The following MAST4 variants were observed in gnomAD, a reference collection of about 807,000 sequenced individuals.
The protein encoded by MAST4 is microtubule associated serine/threonine kinase family member 4.
MAST4 carries 89 observed loss-of-function variants against 162.7 expected under a neutral mutation model. The ratio of observed to expected loss-of-function variants is 0.55; its 90% CI spans 0.46 to 0.65. The LOEUF is 0.65. MAST4 is among the 30% of genes least tolerant of loss of function. MAST4 has a pLI of 0.00. For missense variants in MAST4, 3,153 were observed against 3,374.0 expected (o/e 0.93, Z 1.62); for synonymous variants, 1,479 against 1,361.1 (o/e 1.09, Z -1.91).
chr5:66,746,532 T>G (rs2149583405), intron 1 of MAST4, among the ~76,000 whole-genome samples: 1 of 152,292 alleles, frequency 6.6e-6, no homozygotes, highest in East Asian at 1.9e-4. Context: ...GTCTACTTTC[T>G]CTCCCAAAGC....
intron 5 of MAST4, among the ~76,000 whole-genome samples, chr5:67,070,216 C>G (rs773262604): frequency 2.0e-5 from 3 of 152,160 alleles, no homozygotes; most frequent in African/African-American, 7.2e-5. Flanking sequence ...GCAAATTTTT[C>G]TCCCTTCTCT....
At chr5:67,131,792 A>T in intron 15 of MAST4, 21 bp from the exon 16 acceptor site, 3 of 1,609,724 alleles carry the variant, frequency 1.9e-6, no homozygotes, top group Non-Finnish European at 2.5e-6. Flanking sequence ...ATAGCTACTA[A>T]CTCTTTTTCC....
At chr5:66,672,216 T>C (rs1466188056) in intron 1 of MAST4, among the ~76,000 whole-genome samples, 1 of 152,234 alleles carries the variant, frequency 6.6e-6, no homozygotes, top group Non-Finnish European at 1.5e-5. Context: ...AGATCATGTG[T>C]GCATATATGC....
chr5:66,792,994 C>T (rs916342201), intron 3 of MAST4, among the ~76,000 whole-genome samples: 5 of 152,136 alleles, frequency 3.3e-5, no homozygotes, highest in Admixed American at 3.3e-4. Flanking sequence ...AGTATAGGCC[C>T]TCAACGTGAG....
chr5:67,107,439 AT>A (rs903581862), intron 10 of MAST4, among the ~76,000 whole-genome samples: 1 of 152,246 alleles, frequency 6.6e-6, no homozygotes, highest in African/African-American at 2.4e-5. Context: ...ATAAATAAGA[AT>A]GGTTTCTTGT....
At chr5:66,864,550 T>C (rs950860443) in intron 3 of MAST4, among the ~76,000 whole-genome samples, 2 of 152,150 alleles carry the variant, frequency 1.3e-5, no homozygotes, top group Non-Finnish European at 2.9e-5. Context: ...GCATCTTCCC[T>C]TGGTAGAATA....
intron 1 of MAST4, among the ~76,000 whole-genome samples, chr5:66,635,869 C>T (rs1745075417): frequency 7.0e-6 from 1 of 143,072 alleles, no homozygotes; most frequent in Non-Finnish European, 1.5e-5. Flanking sequence ...GGAGTCATAG[C>T]TTTAATCAGA....
chr5:66,597,940 G>T (rs1052058102), intron 1 of MAST4, among the ~76,000 whole-genome samples: 1 of 152,194 alleles, frequency 6.6e-6, no homozygotes, highest in Non-Finnish European at 1.5e-5. Context: ...TTCTTGTGGG[G>T]AAGTCATCTT....
At chr5:66,649,285 G>A (rs549086530) in intron 1 of MAST4, among the ~76,000 whole-genome samples, 2 of 152,276 alleles carry the variant, frequency 1.3e-5, no homozygotes, top group South Asian at 4.2e-4. Flanking sequence ...TCAGGTAAAT[G>A]GATAAAGCAT....
intron 2 of MAST4, among the ~76,000 whole-genome samples, chr5:66,785,995 A>C (rs1289393039): frequency 6.6e-6 from 1 of 151,996 alleles, no homozygotes; most frequent in African/African-American, 2.4e-5. Flanking sequence ...CAGCCTCCTG[A>C]GTAGCTGGGA....
intron 3 of MAST4, among the ~76,000 whole-genome samples, chr5:66,893,137 T>C (rs1762462669): frequency 6.6e-6 from 1 of 152,220 alleles, no homozygotes; most frequent in African/African-American, 2.4e-5. Flanking sequence ...AAAATTTACA[T>C]ATAAACCCAG....
At chr5:66,716,575 G>A (rs1750857506) in intron 1 of MAST4, among the ~76,000 whole-genome samples, 1 of 150,444 alleles carries the variant, frequency 6.6e-6, no homozygotes, top group African/African-American at 2.4e-5. Flanking sequence ...TACCCAGGCT[G>A]GTCTTGAACT....
At chr5:66,938,031 C>A (rs1371530485) in intron 4 of MAST4, among the ~76,000 whole-genome samples, 5 of 151,968 alleles carry the variant, frequency 3.3e-5, no homozygotes, top group Non-Finnish European at 5.9e-5. Flanking sequence ...GGGCACTTAG[C>A]TGTTATATTT....
chr5:66,862,965 G>A (rs906789763), intron 3 of MAST4, among the ~76,000 whole-genome samples: 5 of 152,190 alleles, frequency 3.3e-5, no homozygotes, highest in African/African-American at 1.2e-4. Flanking sequence ...AGTGGATTCT[G>A]TACAGAATGG....
In MAST4 at chr5:67,046,175, C is replaced by T. The variant is rs185552279; in HGVS notation, c.675-8229C>T. Reference sequence around the variant, plus strand: ...TCTACCATCTAGGTTTGTGTAAGCGCGCTCTGTGATGTTTGCATGAGGACA... The same window carrying T: ...TCTACCATCTAGGTTTGTGTAAGCGTGCTCTGTGATGTTTGCATGAGGACA... On this transcript the variant is annotated intron_variant, in intron 4 of 28. Coordinates refer to ENST00000403625, the MANE Select transcript of MAST4 (RefSeq NM_001164664.2). Among the ~76,000 whole-genome samples, 69 of 152,106 alleles carry T rather than the reference C, an allele frequency of 4.5e-4. No homozygotes were observed. The South Asian group carries it at 5.0e-3, about 11-fold the overall frequency.
chr5:66,856,812 C>T (rs1759719321), intron 3 of MAST4, among the ~76,000 whole-genome samples: 1 of 152,088 alleles, frequency 6.6e-6, no homozygotes, highest in African/African-American at 2.4e-5. Flanking sequence ...TTGACCTGGA[C>T]AAGAATTATG....
Position 66,774,682 on chromosome 5 carries a change from T to A in MAST4, c.518-13988T>A, listed in dbSNP as rs186733460. On this transcript the variant is annotated intron_variant, in intron 2 of 28. Transcript: ENST00000403625. ...TTCCTTGTATCCTCAAAGCAAAGCC[T>A]TGTGCATTTCTCATTCTAATATGAT... Among the ~76,000 whole-genome samples, 698 of 152,366 alleles carry A rather than the reference T, an allele frequency of 4.6e-3. 4 individuals are homozygous for A. The highest frequency in any genetic ancestry group is 8.1e-3 in the Non-Finnish European group (550 of 68,030).
At chr5:66,957,855 G>A (rs1745511201) in intron 4 of MAST4, among the ~76,000 whole-genome samples, 1 of 152,164 alleles carries the variant, frequency 6.6e-6, no homozygotes, top group Admixed American at 6.5e-5. Context: ...ATAAAACCAT[G>A]GAAAGCAGAC....
chr5:66,913,522 G>A (rs1763910469), intron 4 of MAST4, among the ~76,000 whole-genome samples: 1 of 152,076 alleles, frequency 6.6e-6, no homozygotes, highest in Non-Finnish European at 1.5e-5. Flanking sequence ...TTAGTCTCTT[G>A]CCACTGGACA....
Sources: allele counts gnomAD v4.1 joint callset (sites outside exome capture counted in the v4.1 genomes callset), GRCh38; gene constraint gnomAD v4.1.1; transcripts MANE v1.5; gene names NCBI Gene and HGNC (gene_info 2026-07-23, HGNC 2026-07-21).